The following BCAT1 variants were observed in gnomAD, a reference collection of about 807,000 sequenced individuals.
BCAT1 encodes branched chain amino acid transaminase 1, also known as branched-chain-amino-acid aminotransferase, cytosolic.
A neutral mutation model predicts 52.4 loss-of-function variants in BCAT1; 48 were observed. The ratio of observed to expected loss-of-function variants is 0.92; its 90% confidence interval spans 0.73 to 1.16. The LOEUF (loss-of-function observed/expected upper bound fraction) is 1.16, where lower values mean the gene tolerates loss of function less well. Ranked by LOEUF, BCAT1 falls within the 50% of genes most tolerant of loss-of-function variation. The pLI is 0.00. For synonymous variants in BCAT1, 167 were observed against 161.3 expected, an observed-to-expected ratio of 1.04 and a Z score of -0.27; for missense variants, 451 against 457.1, an observed-to-expected ratio of 0.99 and a Z score of 0.12.
At position 24,831,791 on chromosome 12, in the gene BCAT1, C is replaced by T. The variant is rs10466799; in HGVS notation, c.1044+932G>A. Reference sequence around the variant, plus strand: ...ACATTATAAGACTAATACTTACATGCCTTTAAGTTATAAAGTTAGATGCCA... The same window carrying T: ...ACATTATAAGACTAATACTTACATGTCTTTAAGTTATAAAGTTAGATGCCA... On this transcript the variant is annotated intron_variant, in intron 9 of 10. Transcript: ENST00000261192. Among the ~76,000 whole-genome samples, 675 of 152,248 alleles carry T rather than the reference C, an allele frequency of 4.4e-3. 2 individuals are homozygous for T. Among genetic ancestry groups the T allele is most frequent in the African/African-American group, 0.016 (653 of 41,550 alleles).
At chr12:24,818,092 C>T in intron 10 of BCAT1, 43 bp from the exon 11 acceptor site, 1 of 1,602,750 alleles carries the variant, frequency 6.2e-7, no homozygotes, top group Non-Finnish European at 8.5e-7. Flanking sequence ...CAGAAGCTAA[C>T]AGGGCAGAAA....
intron 5 of BCAT1, among the ~76,000 whole-genome samples, chr12:24,851,837 C>A (rs760883940): frequency 6.6e-6 from 1 of 152,172 alleles, no homozygotes; most frequent in Admixed American, 6.6e-5. Context: ...ACCATCTTAT[C>A]TCTGCACTTT....
At chr12:24,938,612 G>GGGA (rs1943803510) in intron 1 of BCAT1, among the ~76,000 whole-genome samples, 1 of 152,126 alleles carries the variant, frequency 6.6e-6, no homozygotes, top group Non-Finnish European at 1.5e-5. Context: ...TGGGCTGGAA[G>GGGA]GGAACCCCAG....
chr12:24,903,155 C>G (rs892682572), intron 1 of BCAT1: 4 of 1,283,980 alleles, frequency 3.1e-6, no homozygotes, highest in Admixed American at 4.1e-5. Flanking sequence ...ACGACGCAAC[C>G]CCTCCAGCAT....
At chr12:24,874,907 G>T (rs7976171) in intron 5 of BCAT1, among the ~76,000 whole-genome samples, 2,106 of 148,638 alleles carry the variant, frequency 0.014, 20 homozygotes, top group Middle Eastern at 0.038. Flanking sequence ...TTCATTCAAA[G>T]AAATCAAAAT....
chr12:24,829,932 T>G, intron 9 of BCAT1, 35 bp from the exon 10 acceptor site: 2 of 1,483,940 alleles, frequency 1.3e-6, no homozygotes, highest in Non-Finnish European at 1.9e-6. Context: ...AATTTGAGGG[T>G]ACTCATGTAT....
chr12:24,884,591 C>T (rs569831847), intron 3 of BCAT1, among the ~76,000 whole-genome samples: 1 of 152,206 alleles, frequency 6.6e-6, no homozygotes, highest in East Asian at 1.9e-4. Context: ...AACACTACAT[C>T]GTACCCCATA....
chr12:24,855,162 A>G (rs1008057597), intron 5 of BCAT1, among the ~76,000 whole-genome samples: 2 of 152,194 alleles, frequency 1.3e-5, no homozygotes, highest in Non-Finnish European at 2.9e-5. Flanking sequence ...TAGAAACTAA[A>G]GATAACATCT....
At position 24,837,106 on chromosome 12, in the gene BCAT1, A is replaced by G. The variant is rs913959017; in HGVS notation, c.818-510T>C. Among the ~76,000 whole-genome samples the G allele has an allele frequency of 3.3e-4, 44 of 132,472 alleles. 2 individuals carry two copies. The highest frequency in any genetic ancestry group is 1.2e-3 in the African/African-American group (42 of 36,404). 86.9% of individuals were successfully genotyped at this position (132,472 alleles called of 152,430 possible). On this transcript the variant is annotated intron_variant, in intron 7 of 10. Coordinates refer to ENST00000261192, the MANE Select transcript of BCAT1 (RefSeq NM_005504.7). ...GAGGGAGGGAGGGAGAAAGGAAGGA[A>G]GAAAGAGAAGGAAGGGAGGAAGGGG...
At chr12:24,936,606 C>A (rs1943757147) in intron 1 of BCAT1, among the ~76,000 whole-genome samples, 2 of 152,184 alleles carry the variant, frequency 1.3e-5, no homozygotes, top group African/African-American at 2.4e-5. Context: ...CTTCTGGAGG[C>A]TCTAGAGTGA....
intron 1 of BCAT1, chr12:24,902,812 C>T: frequency 7.8e-7 from 1 of 1,281,738 alleles, no homozygotes. Context: ...AGACGCCTCG[C>T]TGGAGGCGGA....
rs1013760901 is a variant in BCAT1, at chr12:24,891,958, C to T, written c.279+2317G>A. Among the ~76,000 whole-genome samples, 40 of 151,438 alleles carry T rather than the reference C, an allele frequency of 2.6e-4. 1 individual carries two copies. Among genetic ancestry groups the T allele is most frequent in the South Asian group, 8.4e-4 (4 of 4,770 alleles). Reference sequence around the variant, plus strand: ...ATTTTTAGTAGAGATGGGGTTTCACCATGTTAGCCAGGATGGTCTCGATCT... The same window carrying T: ...ATTTTTAGTAGAGATGGGGTTTCACTATGTTAGCCAGGATGGTCTCGATCT... On this transcript the variant is annotated intron_variant, in intron 3 of 10. Transcript: ENST00000261192.
intron 1 of BCAT1, chr12:24,903,946 G>C (rs2139687493): frequency 6.6e-6 from 1 of 152,358 alleles, no homozygotes; most frequent in Middle Eastern, 3.4e-3. Context: ...GGGGAGGGCA[G>C]TTTATTCTGG....
chr12:24,934,189 C>T (rs978116115), intron 1 of BCAT1, among the ~76,000 whole-genome samples: 1 of 152,220 alleles, frequency 6.6e-6, no homozygotes, highest in South Asian at 2.1e-4. Context: ...TTCTTCTTAA[C>T]TCCTATATCA....
chr12:24,897,701 G>C (rs749087554), intron 2 of BCAT1, among the ~76,000 whole-genome samples: 2 of 152,168 alleles, frequency 1.3e-5, no homozygotes, highest in Non-Finnish European at 2.9e-5. Flanking sequence ...CTACAGGCAT[G>C]TGCCACAACA....
intron 1 of BCAT1, among the ~76,000 whole-genome samples, chr12:24,933,517 GT>G (rs1285274189): frequency 6.6e-6 from 1 of 152,044 alleles, no homozygotes; most frequent in Non-Finnish European, 1.5e-5. Flanking sequence ...ATATGGTTTG[GT>G]TTGGCTCTGT....
Position 24,824,651 on chromosome 12 carries a change from G to A in BCAT1, c.1119+5172C>T, listed in dbSNP as rs559172419. 6.6e-5 allele frequency among the ~76,000 whole-genome samples: 10 copies of A among 152,050 alleles called. No homozygotes were observed. In the South Asian group the frequency reaches 2.1e-3, roughly 32 times the overall value. On this transcript the variant is annotated intron_variant, in intron 10 of 10. Transcript: ENST00000261192. ...AAGAGGTAACCCTGAAATCTTATTT[G>A]GTGTATTAACTGCTACAGAATGTAC...
At chr12:24,852,416 C>T (rs1941543029) in intron 5 of BCAT1, among the ~76,000 whole-genome samples, 1 of 151,974 alleles carries the variant, frequency 6.6e-6, no homozygotes, top group Non-Finnish European at 1.5e-5. Context: ...TGTGGACAAA[C>T]TAATAGCATT....
intron 10 of BCAT1, among the ~76,000 whole-genome samples, chr12:24,828,296 A>C (rs904380507): frequency 2.0e-5 from 3 of 152,256 alleles, no homozygotes; most frequent in Non-Finnish European, 4.4e-5. Flanking sequence ...TGCAAATTAC[A>C]GGATAATCTC....
Sources: allele counts gnomAD v4.1 joint callset (sites outside exome capture counted in the v4.1 genomes callset), GRCh38; gene constraint gnomAD v4.1.1; transcripts MANE v1.5; gene names NCBI Gene and HGNC (gene_info 2026-07-23, HGNC 2026-07-21).